KCNMB2: variants seen among roughly 807,000 people sequenced by gnomAD.
The protein encoded by KCNMB2 is calcium-activated potassium channel subunit beta-2.
In KCNMB2, 9 loss-of-function variants were observed where a neutral mutation model predicts 24.5. That is an observed-to-expected ratio of 0.37 (90% CI 0.22 to 0.64). KCNMB2 has a LOEUF of 0.64. KCNMB2 is among the 30% of genes least tolerant of loss of function. The pLI is 0.63. For missense variants in KCNMB2, 226 were observed against 284.3 expected, an observed-to-expected ratio of 0.79 and a Z score of 1.47; for synonymous variants, 109 against 104.4, an observed-to-expected ratio of 1.04 and a Z score of -0.27.
At chr3:178,806,206 G>A (rs1237276640) in intron 1 of KCNMB2, among the ~76,000 whole-genome samples, 1 of 152,172 alleles carries the variant, frequency 6.6e-6, no homozygotes, top group Non-Finnish European at 1.5e-5. Flanking sequence ...TTTGAAGCAT[G>A]GGTCTACCTC....
At chr3:178,779,554 C>A (rs1163932114) in intron 1 of KCNMB2, among the ~76,000 whole-genome samples, 1 of 152,134 alleles carries the variant, frequency 6.6e-6, no homozygotes, top group East Asian at 1.9e-4. Flanking sequence ...TAGATTCTTT[C>A]TCCATTTTAT....
intron 1 of KCNMB2, among the ~76,000 whole-genome samples, chr3:178,600,372 A>G (rs1281136995): frequency 1.3e-5 from 2 of 152,200 alleles, no homozygotes; most frequent in Non-Finnish European, 2.9e-5. Context: ...GCTGCTACGA[A>G]CATGCGTGTG....
chr3:178,825,400 A>G (rs1030410281), intron 2 of KCNMB2, among the ~76,000 whole-genome samples, 188 bp from the exon 3 acceptor site: 1 of 152,164 alleles, frequency 6.6e-6, no homozygotes, highest in African/African-American at 2.4e-5. Flanking sequence ...ACAAGCGTGC[A>G]TGTGCTTGTG....
chr3:178,757,763 T>TAC (rs1724186883), intron 1 of KCNMB2, among the ~76,000 whole-genome samples: 2 of 117,140 alleles, frequency 1.7e-5, no homozygotes, highest in Non-Finnish European at 1.8e-5. Context: ...AGGATATATA[T>TAC]ATATATCCAA....
At chr3:178,719,472 T>G (rs1314034322) in intron 1 of KCNMB2, among the ~76,000 whole-genome samples, 1 of 152,236 alleles carries the variant, frequency 6.6e-6, no homozygotes, top group Non-Finnish European at 1.5e-5. Context: ...ACTTCAGAAG[T>G]GATTAACCCT....
intron 1 of KCNMB2, among the ~76,000 whole-genome samples, chr3:178,756,552 T>G (rs912838203): frequency 6.6e-6 from 1 of 152,246 alleles, no homozygotes; most frequent in Non-Finnish European, 1.5e-5. Context: ...GAGTTTAAAT[T>G]TTTCCTGAAC....
At chr3:178,730,057 C>T (rs1341297378) in intron 1 of KCNMB2, among the ~76,000 whole-genome samples, 1 of 152,172 alleles carries the variant, frequency 6.6e-6, no homozygotes, top group Non-Finnish European at 1.5e-5. Flanking sequence ...CAATTAAGTG[C>T]TCTAGCCTAG....
intron 1 of KCNMB2, among the ~76,000 whole-genome samples, chr3:178,708,267 G>C (rs955063230): frequency 1.3e-5 from 2 of 152,040 alleles, no homozygotes; most frequent in African/African-American, 4.8e-5. Context: ...CAAGAACAGG[G>C]ACCATGGTTT....
At chr3:178,600,458 C>T (rs1301113104) in intron 1 of KCNMB2, among the ~76,000 whole-genome samples, 1 of 152,088 alleles carries the variant, frequency 6.6e-6, no homozygotes, top group East Asian at 1.9e-4. Flanking sequence ...TACAATAACT[C>T]TGTTTTTAAT....
intron 1 of KCNMB2, among the ~76,000 whole-genome samples, chr3:178,565,347 T>A (rs1047085362): frequency 2.6e-5 from 4 of 152,242 alleles, no homozygotes; most frequent in African/African-American, 9.6e-5. Context: ...TAGTTCCTGC[T>A]TCAGTATTGA....
At chr3:178,550,520 T>C (rs1267798427) in intron 1 of KCNMB2, among the ~76,000 whole-genome samples, 2 of 150,264 alleles carry the variant, frequency 1.3e-5, no homozygotes, top group African/African-American at 4.9e-5. Flanking sequence ...AAAGAGGTCC[T>C]TGAGGATTAT....
intron 1 of KCNMB2, among the ~76,000 whole-genome samples, chr3:178,702,865 C>G (rs561714710): frequency 6.6e-6 from 1 of 152,168 alleles, no homozygotes; most frequent in African/African-American, 2.4e-5. Flanking sequence ...TTCTTAACAA[C>G]TTTTCCTTTA....
At chr3:178,684,876 C>A (rs559396841) in intron 1 of KCNMB2, among the ~76,000 whole-genome samples, 38 of 152,142 alleles carry the variant, frequency 2.5e-4, no homozygotes, top group Non-Finnish European at 4.4e-4. Context: ...TTATAGCAAC[C>A]TTTTTACTAT....
intron 1 of KCNMB2, among the ~76,000 whole-genome samples, chr3:178,587,602 GT>G (rs1471367002): frequency 6.8e-4 from 98 of 143,272 alleles, no homozygotes; most frequent in Non-Finnish European, 1.0e-3. Flanking sequence ...TTTTTGGGTG[GT>G]TTTTTTTTTT....
chr3:178,765,135 G>T (rs942823186), intron 1 of KCNMB2, among the ~76,000 whole-genome samples: 2 of 152,174 alleles, frequency 1.3e-5, no homozygotes, highest in African/African-American at 4.8e-5. Flanking sequence ...TGCTAATCAG[G>T]TAATGGTGCT....
rs1053217919 is a variant in KCNMB2, at chr3:178,542,005, A to G, written c.-68+5294A>G. Among the ~76,000 whole-genome samples the G allele has an allele frequency of 1.2e-4, 18 of 152,148 alleles. 1 individual carries two copies. Among genetic ancestry groups the G allele is most frequent in the African/African-American group, 4.1e-4 (17 of 41,428 alleles). On this transcript the variant is annotated intron_variant, in intron 1 of 4. Transcript: ENST00000452583. The stretch of plus-strand genomic sequence containing the variant: ...TAAATTAGCCAATTGGAATTAGTTT[A>G]TCCTGTGCAGTCTAACCCCACCCAA...
At chr3:178,693,247 C>A (rs1721750305) in intron 1 of KCNMB2, among the ~76,000 whole-genome samples, 1 of 152,136 alleles carries the variant, frequency 6.6e-6, no homozygotes, top group Non-Finnish European at 1.5e-5. Flanking sequence ...TTATTTCTTT[C>A]TTTTGCCTGA....
chr3:178,711,860 T>G (rs1203522924), intron 1 of KCNMB2, among the ~76,000 whole-genome samples: 2 of 152,238 alleles, frequency 1.3e-5, no homozygotes, highest in Non-Finnish European at 2.9e-5. Flanking sequence ...GAAAATTATG[T>G]AATTTCTCTG....
At chr3:178,794,341 C>G (rs1713448191) in intron 1 of KCNMB2, among the ~76,000 whole-genome samples, 1 of 152,110 alleles carries the variant, frequency 6.6e-6, no homozygotes, top group Non-Finnish European at 1.5e-5. Flanking sequence ...CTGCCCCCAG[C>G]TTTCTCACCT....
Sources: gnomAD v4.1 joint callset for allele counts (sites outside exome capture counted in the v4.1 genomes callset) on GRCh38, gnomAD v4.1.1 for gene constraint, MANE v1.5 for transcripts, NCBI Gene and HGNC (gene_info 2026-07-23, HGNC 2026-07-21) for gene names.